SP140L: variants seen among roughly 807,000 people sequenced by gnomAD.
SP140L encodes SP140 like nuclear body protein.
Under a neutral mutation model 84.3 loss-of-function variants are expected in SP140L, and 64 were observed. That is an observed-to-expected ratio of 0.76 (90% CI 0.62 to 0.94). The LOEUF (loss-of-function observed/expected upper bound fraction) is 0.94, where lower values mean the gene tolerates loss of function less well. SP140L is among the 40% of genes least tolerant of loss of function. The pLI is 0.00. For missense variants in SP140L, 628 were observed against 692.5 expected, an observed-to-expected ratio of 0.91 and a Z score of 1.05; for synonymous variants, 242 against 236.9, an observed-to-expected ratio of 1.02 and a Z score of -0.20.
intron 3 of SP140L, among the ~76,000 whole-genome samples, chr2:230,358,636 T>TG (rs1201970149): frequency 6.6e-6 from 1 of 152,130 alleles, no homozygotes; most frequent in Non-Finnish European, 1.5e-5. Context: ...AAACAGCCAC[T>TG]CATTGATTGC....
intron 5 of SP140L, among the ~76,000 whole-genome samples, chr2:230,362,033 ACAGC>A (rs1345637764): frequency 1.3e-5 from 2 of 152,220 alleles, no homozygotes; most frequent in Non-Finnish European, 2.9e-5. Context: ...GTTAAGAACC[ACAGC>A]CCATGGCCCA....
intron 18 of SP140L, among the ~76,000 whole-genome samples, chr2:230,402,217 G>A (rs2062376010): frequency 6.6e-6 from 1 of 152,188 alleles, no homozygotes. Context: ...AGGATTGCCA[G>A]CAAGGAGTAG....
At chr2:230,379,422 G>A (rs1376950500) in intron 7 of SP140L, among the ~76,000 whole-genome samples, 1 of 151,954 alleles carries the variant, frequency 6.6e-6, no homozygotes, top group Non-Finnish European at 1.5e-5. Context: ...GAGATGACAA[G>A]GATCTTGTAA....
rs916579382 is a variant in SP140L, at chr2:230,389,933, A to G, written c.874A>G (p.Lys292Glu). 67 of 1,613,666 alleles carry G rather than the reference A, an allele frequency of 4.2e-5. No homozygotes were observed. Among genetic ancestry groups the G allele is most frequent in the Non-Finnish European group, 5.5e-5 (65 of 1,179,800 alleles). ...CTCTCTTTCAGCTTCAAGAAAGCACAAAGATGAAACTGTGGATTTTCAGGC... is the reference window on the plus strand; with the variant it reads ...CTCTCTTTCAGCTTCAAGAAAGCACGAAGATGAAACTGTGGATTTTCAGGC... ...RVRSRASRKH[K>E]DETVDFQAPL... Residue 292 changes from lysine (K) to glutamate (E), a missense_variant, in exon 11 of 19, where the codon AAA becomes GAA. This residue lies in a region of SP140L where 525 missense variants were observed against 518.4 expected (regional missense o/e 1.01). Transcript: ENST00000415673.
At chr2:230,353,946 T>A (rs1472364323) in intron 2 of SP140L, among the ~76,000 whole-genome samples, 1 of 152,156 alleles carries the variant, frequency 6.6e-6, no homozygotes, top group Non-Finnish European at 1.5e-5. Flanking sequence ...ATTGTTACAG[T>A]TGAATCTGAA....
chr2:230,382,197 G>A (rs2061432266), intron 7 of SP140L, among the ~76,000 whole-genome samples: 1 of 106,426 alleles, frequency 9.4e-6, no homozygotes, highest in Non-Finnish European at 1.7e-5. Flanking sequence ...ACTGAGAACA[G>A]GGGTAGGGAC....
At chr2:230,328,260 T>G (rs2059634239) in intron 1 of SP140L, among the ~76,000 whole-genome samples, 1 of 152,242 alleles carries the variant, frequency 6.6e-6, no homozygotes, top group South Asian at 2.1e-4. Context: ...AAAAGTCTTC[T>G]TCACCACTCA....
At chr2:230,343,768 A>G (rs1342831472) in intron 2 of SP140L, among the ~76,000 whole-genome samples, 1 of 152,190 alleles carries the variant, frequency 6.6e-6, no homozygotes, top group African/African-American at 2.4e-5. Flanking sequence ...TAATATAGCC[A>G]TTCTGACCAG....
At position 230,376,555 on chromosome 2, in the gene SP140L, C is replaced by G. The variant is rs532898129; in HGVS notation, c.637+4904C>G. On this transcript the variant is annotated intron_variant, in intron 7 of 18. Coordinates refer to ENST00000415673, the MANE Select transcript of SP140L (RefSeq NM_138402.6). ...AATATTTGCACACTGACAACTATGA[C>G]ACTGATGAAAGAAATTGAAAAAGAT... Among the ~76,000 whole-genome samples the G allele has an allele frequency of 1.6e-3, 240 of 152,206 alleles. 1 individual carries two copies. The highest frequency in any genetic ancestry group is 5.4e-3 in the African/African-American group (224 of 41,544).
rs893893405 is a variant in SP140L, at chr2:230,370,029, C to A, written c.524-879C>A. 1.2e-4 allele frequency among the ~76,000 whole-genome samples: 19 copies of A among 152,288 alleles called. 1 individual carries two copies. The highest frequency in any genetic ancestry group is 3.6e-4 in the African/African-American group (15 of 41,526). On this transcript the variant is annotated intron_variant, in intron 5 of 18. Coordinates refer to ENST00000415673, the MANE Select transcript of SP140L (RefSeq NM_138402.6). ...CTTAGTGATTTGCCCACCTCAGCCT[C>A]CCAAAGTGCTGGGATTACAGGCATG...
In SP140L at chr2:230,330,000, G is replaced by T. The variant is rs150707178; in HGVS notation, c.107+1169G>T. Among the ~76,000 whole-genome samples the T allele has an allele frequency of 4.4e-3, 676 of 152,126 alleles. 1 individual carries two copies. The highest frequency in any genetic ancestry group is 0.016 in the African/African-American group (644 of 41,494). On this transcript the variant is annotated intron_variant, in intron 2 of 18. Coordinates refer to ENST00000415673, the MANE Select transcript of SP140L (RefSeq NM_138402.6). ...GTTTTTGTGCAATGTTAAGAACTTTGGGATATTATTATCGTCTCTGAGATA... is the reference window on the plus strand; with the variant it reads ...GTTTTTGTGCAATGTTAAGAACTTTTGGATATTATTATCGTCTCTGAGATA...
chr2:230,370,019 A>ACCCG (rs2061009670), intron 5 of SP140L, among the ~76,000 whole-genome samples: 7 of 147,772 alleles, frequency 4.7e-5, no homozygotes, highest in African/African-American at 1.9e-4. Context: ...TGATTTGCCC[A>ACCCG]CCTCAGCCTC....
At chr2:230,380,929 C>T (rs2061383394) in intron 7 of SP140L, among the ~76,000 whole-genome samples, 1 of 151,404 alleles carries the variant, frequency 6.6e-6, no homozygotes, top group African/African-American at 2.4e-5. Context: ...AAACTCTCCT[C>T]AGCACATTCT....
intron 4 of SP140L, among the ~76,000 whole-genome samples, chr2:230,359,700 C>G (rs1047908072): frequency 6.6e-6 from 1 of 152,128 alleles, no homozygotes; most frequent in African/African-American, 2.4e-5. Context: ...TAGTTTCAGG[C>G]AAACAGTCAT....
intron 7 of SP140L, among the ~76,000 whole-genome samples, chr2:230,382,732 A>G (rs898377467): frequency 3.9e-5 from 6 of 152,300 alleles, no homozygotes; most frequent in Admixed American, 2.0e-4. Context: ...AACACTTGCA[A>G]TCCCCACCAC....
At chr2:230,334,207 C>T (rs73110321) in intron 2 of SP140L, among the ~76,000 whole-genome samples, 2,303 of 152,278 alleles carry the variant, frequency 0.015, 60 homozygotes, top group African/African-American at 0.053. Flanking sequence ...TAATTACTAA[C>T]CACTTCCAGA....
intron 5 of SP140L, 76 bp downstream of exon 5, chr2:230,361,773 C>T (rs11891724): frequency 0.19 from 209,297 of 1,119,654 alleles, 29,780 homozygotes; most frequent in East Asian, 0.57. Flanking sequence ...GGCCCAAGGT[C>T]CTGAGGGGAA....
intron 6 of SP140L, 87 bp from the exon 7 acceptor site, chr2:230,371,511 C>G: frequency 8.4e-7 from 1 of 1,184,134 alleles, no homozygotes; most frequent in Middle Eastern, 2.8e-4. Flanking sequence ...TTTATAAACT[C>G]AAGCCTTCTA....
chr2:230,392,579 T>A (rs909175028), intron 12 of SP140L, among the ~76,000 whole-genome samples: 1 of 152,146 alleles, frequency 6.6e-6, no homozygotes, highest in African/African-American at 2.4e-5. Flanking sequence ...AAAACCAGAA[T>A]GGCATGAAAA....
Sources: gnomAD v4.1 joint callset for allele counts (sites outside exome capture counted in the v4.1 genomes callset) on GRCh38, gnomAD v4.1.1 for gene constraint, gnomAD v4.1.1 regional missense constraint, MANE v1.5 for transcripts, NCBI Gene and HGNC (gene_info 2026-07-23, HGNC 2026-07-21) for gene names.